The following PATJ variants were observed in gnomAD, a reference collection of about 807,000 sequenced individuals.
PATJ encodes the protein PATJ crumbs cell polarity complex component.
PATJ carries 190 observed loss-of-function variants against 224.9 expected under a neutral mutation model. The ratio of observed to expected loss-of-function variants is 0.84; its 90% CI spans 0.75 to 0.95. PATJ has a LOEUF of 0.95. Ranked by LOEUF, PATJ falls within the 40% of genes least tolerant of loss-of-function variation. The pLI, the probability that PATJ is intolerant of heterozygous loss-of-function variation, is 0.00. For synonymous variants in PATJ, 769 were observed against 820.3 expected, an observed-to-expected ratio of 0.94 and a Z score of 1.07; for missense variants, 2,121 against 2,270.3, an observed-to-expected ratio of 0.93 and a Z score of 1.34.
At chr1:61,892,724 TA>T (rs1295179705) in intron 22 of PATJ, among the ~76,000 whole-genome samples, 1 of 152,194 alleles carries the variant, frequency 6.6e-6, no homozygotes, top group East Asian at 1.9e-4. Flanking sequence ...ACAGCGAGGA[TA>T]CCCCCTACCC....
At chr1:62,060,497 A>G (rs1042302511) in intron 31 of PATJ, among the ~76,000 whole-genome samples, 11 of 151,890 alleles carry the variant, frequency 7.2e-5, no homozygotes, top group African/African-American at 2.7e-4. Context: ...CCTCCCAAGT[A>G]GCTAGGACTA....
intron 15 of PATJ, among the ~76,000 whole-genome samples, chr1:61,823,329 A>T (rs948781475): frequency 2.6e-5 from 4 of 152,230 alleles, no homozygotes; most frequent in Admixed American, 2.0e-4. Flanking sequence ...GTTTGATAGC[A>T]TATTAGTATT....
At chr1:61,756,563 C>CT (rs370667808) in intron 1 of PATJ, among the ~76,000 whole-genome samples, 3,048 of 65,544 alleles carry the variant, frequency 0.047, 64 homozygotes, top group African/African-American at 0.076. Flanking sequence ...AACCAGGACA[C>CT]TTTTTTTTTT....
intron 13 of PATJ, among the ~76,000 whole-genome samples, chr1:61,807,396 C>T (rs377007203): frequency 6.6e-6 from 1 of 152,218 alleles, no homozygotes; most frequent in Non-Finnish European, 1.5e-5. Flanking sequence ...AGTCTGGTCT[C>T]GAACTCCTGG....
intron 27 of PATJ, among the ~76,000 whole-genome samples, chr1:61,943,806 C>G (rs968247892): frequency 2.0e-5 from 3 of 152,152 alleles, no homozygotes; most frequent in Non-Finnish European, 4.4e-5. Context: ...TCCCTGACCC[C>G]CGAGTAGCCT....
intron 1 of PATJ, among the ~76,000 whole-genome samples, chr1:61,754,238 C>A (rs1191279814): frequency 6.6e-6 from 1 of 152,218 alleles, no homozygotes; most frequent in African/African-American, 2.4e-5. Context: ...AATCCCCCTC[C>A]ATAAGCCCTG....
chr1:61,926,426 T>G (rs1314371198), intron 26 of PATJ, among the ~76,000 whole-genome samples: 2 of 152,216 alleles, frequency 1.3e-5, no homozygotes, highest in Non-Finnish European at 2.9e-5. Flanking sequence ...ATTCATCTCT[T>G]AATATTAGTT....
chr1:62,037,403 TGAG>T (rs1284456739), intron 29 of PATJ, among the ~76,000 whole-genome samples: 1 of 152,224 alleles, frequency 6.6e-6, no homozygotes, highest in East Asian at 1.9e-4. Context: ...TCCATTGGGA[TGAG>T]GAGGAGGAGA....
chr1:62,040,897 A>G (rs988569399), intron 30 of PATJ, among the ~76,000 whole-genome samples: 2 of 152,220 alleles, frequency 1.3e-5, no homozygotes, highest in African/African-American at 4.8e-5. Flanking sequence ...CCCTTGAAAC[A>G]AAAGATAGAT....
intron 30 of PATJ, 127 bp from the exon 31 acceptor site, chr1:62,050,839 A>G (rs888166221): frequency 5.8e-6 from 4 of 694,984 alleles, no homozygotes; most frequent in African/African-American, 5.4e-5. Flanking sequence ...AACAGAAAAT[A>G]CTTCCTCAGA....
chr1:61,794,726 A>G (rs1006796886), intron 9 of PATJ, among the ~76,000 whole-genome samples: 1 of 152,112 alleles, frequency 6.6e-6, no homozygotes, highest in East Asian at 1.9e-4. Context: ...GGTGACTCAC[A>G]CCTGTAATCT....
At chr1:62,156,913 CA>C (rs202034453) in intron 43 of PATJ, among the ~76,000 whole-genome samples, 2,660 of 98,998 alleles carry the variant, frequency 0.027, 65 homozygotes, top group African/African-American at 0.084. Flanking sequence ...AAGTCCCTGT[CA>C]AAAAAAAAAA....
intron 41 of PATJ, among the ~76,000 whole-genome samples, chr1:62,145,067 G>T (rs887071875): frequency 6.6e-6 from 1 of 151,888 alleles, no homozygotes; most frequent in African/African-American, 2.4e-5. Flanking sequence ...CGCCCACCTC[G>T]GCTTCCAAAA....
At position 62,108,486 on chromosome 1, in the gene PATJ, A is replaced by T. The variant is rs779833755; in HGVS notation, c.4427A>T (p.Asp1476Val). The T allele has an allele frequency of 6.2e-7, 1 of 1,610,280 alleles. No individual in the cohort carries two copies. The highest frequency in any genetic ancestry group is 8.5e-7 in the Non-Finnish European group (1 of 1,177,208). ...TATGAAGAAGGGGCAGCAGCCAGAG[A>T]TGGAAGACTTTGGGCTGGTGACCAG... Reference protein sequence around the residue: ...EVYEEGAAARDGRLWAGDQIL... With the variant: ...EVYEEGAAARVGRLWAGDQIL... Residue 1476 changes from aspartate to valine, a missense_variant, in exon 34 of 44, where the codon GAT becomes GTT. Physicochemically the swap from Asp to Val is radical, Grantham distance 152. Transcript: ENST00000642238.
chr1:61,747,583 G>A (rs990957338), intron 1 of PATJ, among the ~76,000 whole-genome samples: 2 of 152,112 alleles, frequency 1.3e-5, no homozygotes, highest in Non-Finnish European at 1.5e-5. Flanking sequence ...GTTTAATTCC[G>A]GTAAAATTAT....
chr1:62,067,431 T>A (rs1656680781), intron 31 of PATJ, among the ~76,000 whole-genome samples: 1 of 152,100 alleles, frequency 6.6e-6, no homozygotes, highest in African/African-American at 2.4e-5. Flanking sequence ...CCAGCCCCGA[T>A]AATCCTATTT....
chr1:61,933,063 G>A (rs1244365471), intron 27 of PATJ, among the ~76,000 whole-genome samples: 2 of 152,042 alleles, frequency 1.3e-5, no homozygotes, highest in Non-Finnish European at 1.5e-5. Flanking sequence ...TCTAATTATC[G>A]TAAGAAGTCT....
intron 27 of PATJ, among the ~76,000 whole-genome samples, chr1:61,974,150 C>T (rs544464794): frequency 6.4e-4 from 98 of 152,076 alleles, no homozygotes; most frequent in African/African-American, 2.3e-3. Flanking sequence ...TAGTGGTACA[C>T]TTCTGTAGAA....
At chr1:61,979,656 G>GAAAAAAAAAAAAAAAAAAAA (rs3060965) in intron 27 of PATJ, among the ~76,000 whole-genome samples, 1 of 137,124 alleles carries the variant, frequency 7.3e-6, no homozygotes. Context: ...CGTCTCAAAA[G>GAAAAAAAAAAAAAAAAAAAA]AAAAAAAAAA....
Sources: allele counts gnomAD v4.1 joint callset (sites outside exome capture counted in the v4.1 genomes callset), GRCh38; gene constraint gnomAD v4.1.1; transcripts MANE v1.5; gene names NCBI Gene and HGNC (gene_info 2026-07-23, HGNC 2026-07-21).